IARS2: variants seen among roughly 807,000 people sequenced by gnomAD.
IARS2 encodes isoleucyl-tRNA synthetase 2, mitochondrial.
In IARS2, 56 loss-of-function variants were observed where a neutral mutation model predicts 126.3. That is an observed-to-expected ratio of 0.44 (90% CI 0.36 to 0.55). The LOEUF (loss-of-function observed/expected upper bound fraction) is 0.55. IARS2 is among the 20% of genes least tolerant of loss of function. The pLI is 0.00. For synonymous variants in IARS2, 407 were observed against 441.1 expected, an observed-to-expected ratio of 0.92 and a Z score of 0.97; for missense variants, 1,127 against 1,245.9, an observed-to-expected ratio of 0.90 and a Z score of 1.44.
intron 2 of IARS2, among the ~76,000 whole-genome samples, chr1:220,098,338 T>G (rs1354275739): frequency 2.0e-5 from 3 of 152,208 alleles, no homozygotes; most frequent in African/African-American, 7.2e-5. Context: ...CTTTCTCCTC[T>G]TCCTAGAATG....
intron 2 of IARS2, among the ~76,000 whole-genome samples, chr1:220,099,823 CAGATCACA>C: frequency 6.6e-6 from 1 of 152,104 alleles, no homozygotes; most frequent in South Asian, 2.1e-4. Context: ...GACAACCACT[CAGATCACA>C]AGGCTCCTTC....
At chr1:220,127,227 C>A (rs1312518394) in intron 14 of IARS2, among the ~76,000 whole-genome samples, 8 of 152,122 alleles carry the variant, frequency 5.3e-5, no homozygotes. Flanking sequence ...TGACTTAGAG[C>A]CAAATTAGGT....
At chr1:220,134,762 G>GTTTTTTTTTT (rs1558129936) in intron 15 of IARS2, 1 of 230,986 alleles carries the variant, frequency 4.3e-6, no homozygotes. Context: ...GTTCTTTGTT[G>GTTTTTTTTTT]TTGTTGTTTT....
At position 220,131,509 on chromosome 1, in the gene IARS2, G is replaced by T. The variant is rs186774464; in HGVS notation, c.1838-2893G>T. On this transcript the variant is annotated intron_variant, in intron 14 of 22. Coordinates refer to ENST00000366922, the MANE Select transcript of IARS2 (RefSeq NM_018060.4). Reference sequence around the variant, plus strand: ...TGTGACTACAGGCATGAGCCATCACGCCCAGCAAATTTTGTATTTTTAGTA... The same window carrying T: ...TGTGACTACAGGCATGAGCCATCACTCCCAGCAAATTTTGTATTTTTAGTA... 2.0e-5 allele frequency among the ~76,000 whole-genome samples: 3 copies of T among 152,040 alleles called. No homozygotes were observed. In the East Asian group the frequency reaches 5.8e-4, roughly 30 times the overall value.
chr1:220,140,518 G>A (rs181821714), intron 19 of IARS2, among the ~76,000 whole-genome samples: 399 of 152,308 alleles, frequency 2.6e-3, no homozygotes, highest in African/African-American at 9.1e-3. Flanking sequence ...GGCGGAGGTT[G>A]CAATGAGCAG....
At chr1:220,116,148 A>G (rs923035198) in intron 12 of IARS2, among the ~76,000 whole-genome samples, 1 of 152,102 alleles carries the variant, frequency 6.6e-6, no homozygotes, top group African/African-American at 2.4e-5. Flanking sequence ...GTTTGAGGTT[A>G]TAGTGAGCTA....
intron 15 of IARS2, 138 bp from the exon 16 acceptor site, chr1:220,136,670 GA>G: frequency 5.2e-6 from 2 of 384,952 alleles, no homozygotes; most frequent in East Asian, 8.7e-5. Context: ...GAAAAGAAAA[GA>G]AAAGGTTTTA....
At position 220,096,225 on chromosome 1, in the gene IARS2, A is replaced by G; in HGVS notation, c.389A>G (p.Lys130Arg). Residue 130 changes from lysine to arginine, a missense_variant and splice_region_variant, in exon 2 of 23, where the codon AAG becomes AGG. By Grantham distance (26) the Lys-to-Arg change is conservative. Transcript: ENST00000366922. The part of the protein sequence containing the change: ...GDPHVGHALN[K>R]ILKDIANRFH... The stretch of plus-strand genomic sequence containing the variant: ...CCTCATGTTGGACATGCTTTAAATA[A>G]GGTAACTATAATTTAGGTTATGACA... 1 of 1,565,892 alleles carries G rather than the reference A, an allele frequency of 6.4e-7. No individual in the cohort carries two copies. Among genetic ancestry groups the G allele is most frequent in the Non-Finnish European group, 8.6e-7 (1 of 1,157,730 alleles).
intron 17 of IARS2, among the ~76,000 whole-genome samples, chr1:220,138,725 G>A (rs1014202270): frequency 4.6e-5 from 7 of 151,898 alleles, no homozygotes; most frequent in Admixed American, 2.6e-4. Context: ...GAATAAACTG[G>A]GCTACTGAAA....
chr1:220,094,864 G>T (rs956965832), intron 1 of IARS2, among the ~76,000 whole-genome samples: 4 of 151,986 alleles, frequency 2.6e-5, no homozygotes, highest in Non-Finnish European at 4.4e-5. Flanking sequence ...CAGGCTGGGC[G>T]CAGTGGCTCA....
rs1031692392 is a variant in IARS2, at chr1:220,144,301, G to T, written c.2751+1167G>T. On this transcript the variant is annotated intron_variant, in intron 21 of 22. Transcript: ENST00000366922. ...CACCTGGCTTTTGCCTCTCTTTTTG[G>T]CATTGTTGATGCTCTTGAGAGCATC... 91 of 757,622 alleles carry T rather than the reference G, an allele frequency of 1.2e-4. No individual in the cohort carries two copies. In the African/African-American group the frequency reaches 1.5e-3, roughly 12 times the overall value. The allele number at this position is 757,622 out of a possible 1,614,324, so 46.9% of individuals were successfully genotyped here.
chr1:220,139,170 TA>T, intron 18 of IARS2, 31 bp downstream of exon 18: 1 of 1,579,092 alleles, frequency 6.3e-7, no homozygotes, highest in South Asian at 1.2e-5. Context: ...TTTTGGAAAC[TA>T]GAAATATCAG....
chr1:220,118,844 G>GA (rs1459013021), intron 12 of IARS2, among the ~76,000 whole-genome samples: 1 of 151,972 alleles, frequency 6.6e-6, no homozygotes, highest in Admixed American at 6.6e-5. Flanking sequence ...ATTAAATAAA[G>GA]AAAAATTTCT....
chr1:220,106,807 A>G (rs1259301757), intron 9 of IARS2, among the ~76,000 whole-genome samples: 1 of 151,560 alleles, frequency 6.6e-6, no homozygotes, highest in East Asian at 1.9e-4. Flanking sequence ...TAATTTTTGT[A>G]TTTTTAGTGG....
chr1:220,121,065 T>A (rs943718128), intron 12 of IARS2, among the ~76,000 whole-genome samples: 21 of 152,334 alleles, frequency 1.4e-4, no homozygotes, highest in Non-Finnish European at 8.8e-5. Flanking sequence ...GAACAAATTT[T>A]TCTTTTGTTC....
At chr1:220,111,468 A>G (rs1480694927) in intron 11 of IARS2, among the ~76,000 whole-genome samples, 1 of 152,138 alleles carries the variant, frequency 6.6e-6, no homozygotes, top group Non-Finnish European at 1.5e-5. Flanking sequence ...TAACAATATG[A>G]AAAATATACA....
At chr1:220,138,429 C>T (rs1321001390) in intron 17 of IARS2, among the ~76,000 whole-genome samples, 4 of 152,100 alleles carry the variant, frequency 2.6e-5, no homozygotes, top group Admixed American at 6.6e-5. Flanking sequence ...CGAGATCGCG[C>T]CACTGGACTC....
At chr1:220,099,211 CAAAAAAAAAAAA>C (rs1184799314) in intron 2 of IARS2, among the ~76,000 whole-genome samples, 1 of 49,262 alleles carries the variant, frequency 2.0e-5, no homozygotes, top group Non-Finnish European at 4.3e-5. Context: ...GACTCCGTCT[CAAAAAAAAAAAA>C]AAAAAAAAGA....
chr1:220,134,371 G>T (rs781661694), intron 14 of IARS2, 31 bp from the exon 15 acceptor site: 25 of 1,379,652 alleles, frequency 1.8e-5, no homozygotes, highest in South Asian at 4.1e-5. Context: ...AAATTTCTGG[G>T]TTTTTTTTTC....
Sources: allele counts gnomAD v4.1 joint callset (sites outside exome capture counted in the v4.1 genomes callset), GRCh38; gene constraint gnomAD v4.1.1; transcripts MANE v1.5; gene names NCBI Gene and HGNC (gene_info 2026-07-23, HGNC 2026-07-21).